ZNF423: variants seen among roughly 807,000 people sequenced by gnomAD.
ZNF423 encodes the protein zinc finger protein 423, also known as Ebf-associated zinc finger protein.
In ZNF423, 12 loss-of-function variants were observed where a neutral mutation model predicts 95.8. The observed-to-expected ratio is 0.13, with a 90% confidence interval of 0.08 to 0.20. The LOEUF is 0.20. Ranked by LOEUF, ZNF423 falls within the 10% of genes least tolerant of loss-of-function variation. The pLI, the probability that ZNF423 is intolerant of heterozygous loss-of-function variation, is 1.00. For synonymous variants in ZNF423, 749 were observed against 711.9 expected (o/e 1.05, Z -0.83); for missense variants, 1,316 against 1,737.1 (o/e 0.76, Z 4.31).
intron 2 of ZNF423, among the ~76,000 whole-genome samples, chr16:49,771,064 C>T (rs765230361): frequency 1.2e-4 from 19 of 152,094 alleles, no homozygotes; most frequent in Non-Finnish European, 2.5e-4. Flanking sequence ...GGTCAGGCCC[C>T]GGGAAGTGGG....
At chr16:49,803,361 T>C (rs2034610121) in intron 1 of ZNF423, among the ~76,000 whole-genome samples, 1 of 152,178 alleles carries the variant, frequency 6.6e-6, no homozygotes, top group Admixed American at 6.5e-5. Flanking sequence ...TGTTGCTGGA[T>C]AGCCAGGCTA....
intron 3 of ZNF423, among the ~76,000 whole-genome samples, chr16:49,672,898 C>T (rs772391079): frequency 3.9e-5 from 6 of 152,106 alleles, no homozygotes; most frequent in Non-Finnish European, 5.9e-5. Context: ...GTAAATGTAC[C>T]GAGTGTCCAC....
At chr16:49,839,701 C>T (rs2035163063) in intron 1 of ZNF423, among the ~76,000 whole-genome samples, 1 of 152,344 alleles carries the variant, frequency 6.6e-6, no homozygotes, top group Middle Eastern at 3.4e-3. Context: ...CCGGGCCCCA[C>T]CCAGCCTGCT....
intron 3 of ZNF423, chr16:49,640,905 C>G (rs911974981): frequency 6.6e-6 from 1 of 152,394 alleles, no homozygotes; most frequent in Admixed American, 6.5e-5. Context: ...GCGCCCCAGC[C>G]CCTGCCTGCC....
intron 7 of ZNF423, among the ~76,000 whole-genome samples, chr16:49,521,435 G>C (rs1370100510): frequency 6.6e-6 from 1 of 152,208 alleles, no homozygotes; most frequent in Non-Finnish European, 1.5e-5. Context: ...CGGCTGCATG[G>C]ACTGCACTTG....
chr16:49,769,192 C>G (rs533893511), intron 2 of ZNF423, among the ~76,000 whole-genome samples: 1 of 151,964 alleles, frequency 6.6e-6, no homozygotes, highest in Non-Finnish European at 1.5e-5. Flanking sequence ...CCCATCTCTA[C>G]TAAAAATAAA....
intron 5 of ZNF423, among the ~76,000 whole-genome samples, chr16:49,528,511 T>C (rs185197843): frequency 6.6e-6 from 1 of 152,156 alleles, no homozygotes; most frequent in African/African-American, 2.4e-5. Flanking sequence ...CTCCCCCAAG[T>C]GTTTTAAGAG....
intron 5 of ZNF423, among the ~76,000 whole-genome samples, chr16:49,566,175 C>T (rs1970182623): frequency 6.6e-6 from 1 of 152,200 alleles, no homozygotes; most frequent in African/African-American, 2.4e-5. Context: ...GGCTTCTCCA[C>T]CTGCTACAGA....
intron 2 of ZNF423, among the ~76,000 whole-genome samples, chr16:49,783,842 T>C (rs986704046): frequency 9.9e-5 from 15 of 151,778 alleles, no homozygotes; most frequent in Middle Eastern, 3.4e-3. Flanking sequence ...TGATGGCACG[T>C]GCCTGTAGTC....
At chr16:49,633,543 C>G (rs1021437883) in intron 4 of ZNF423, among the ~76,000 whole-genome samples, 2 of 152,218 alleles carry the variant, frequency 1.3e-5, no homozygotes, top group East Asian at 3.9e-4. Flanking sequence ...ACCACTGCCA[C>G]TACCTCTGGC....
At chr16:49,528,157 T>C (rs143918326) in intron 5 of ZNF423, among the ~76,000 whole-genome samples, 1,806 of 152,166 alleles carry the variant, frequency 0.012, 25 homozygotes, top group Non-Finnish European at 0.019. Context: ...ACCACTTGGC[T>C]GTGAATGGCG....
rs1292587882 is a variant in ZNF423, at chr16:49,746,908, AG to A, written c.101-15938del. On this transcript the variant is annotated intron_variant, in intron 2 of 7. Coordinates refer to ENST00000563137, the MANE Select transcript of ZNF423 (RefSeq NM_001379286.1). The stretch of plus-strand genomic sequence containing the variant: ...CAGCAGTTGTGGCACCCCTAGCCGT[AG>A]CATCCTGACCTTTCCCTGACCTCCG... Among the ~76,000 whole-genome samples, 3 of 152,334 alleles carry A rather than the reference AG, an allele frequency of 2.0e-5. No individual in the cohort carries two copies. In the East Asian group the frequency reaches 5.8e-4, roughly 29 times the overall value.
chr16:49,831,386 G>T (rs946991060), intron 1 of ZNF423, among the ~76,000 whole-genome samples: 7 of 152,236 alleles, frequency 4.6e-5, no homozygotes, highest in East Asian at 1.9e-4. Context: ...ATCATATAGG[G>T]TCAGGGTTAA....
intron 5 of ZNF423, among the ~76,000 whole-genome samples, chr16:49,547,031 C>T (rs1969466328): frequency 6.7e-6 from 1 of 149,940 alleles, no homozygotes; most frequent in South Asian, 2.1e-4. Flanking sequence ...AAAAAACAAT[C>T]AGCCAGCTTT....
chr16:49,696,800 G>T (rs1259992752), intron 3 of ZNF423, among the ~76,000 whole-genome samples: 1 of 152,280 alleles, frequency 6.6e-6, no homozygotes, highest in East Asian at 1.9e-4. Flanking sequence ...GTGGCTGCCC[G>T]CCATGCAGGC....
intron 5 of ZNF423, among the ~76,000 whole-genome samples, chr16:49,595,295 G>C (rs9938606): frequency 0.34 from 51,382 of 152,098 alleles, 9,646 homozygotes; most frequent in African/African-American, 0.46. Context: ...CATTGTCCCT[G>C]GACATACTTC....
intron 6 of ZNF423, among the ~76,000 whole-genome samples, chr16:49,524,892 G>A (rs1487347802): frequency 6.6e-6 from 1 of 152,218 alleles, no homozygotes; most frequent in East Asian, 1.9e-4. Context: ...TGGGAACTTG[G>A]CCGGCAGAGC....
chr16:49,507,581 C>T (rs888173309), intron 7 of ZNF423, among the ~76,000 whole-genome samples: 4 of 152,200 alleles, frequency 2.6e-5, no homozygotes, highest in Non-Finnish European at 4.4e-5. Context: ...CAGAGAGCCT[C>T]ACTTGCCTCC....
At position 49,696,226 on chromosome 16, in the gene ZNF423, C is replaced by A. The variant is rs537369504; in HGVS notation, c.301+34545G>T. ...AAAGGTCTTCACGCCTGCTCCCCAG[C>A]CTCACAAAGCAGGTAGAAAAGTCAT... On this transcript the variant is annotated intron_variant, in intron 3 of 7. Transcript: ENST00000563137. Among the ~76,000 whole-genome samples, 3 of 152,322 alleles carry A rather than the reference C, an allele frequency of 2.0e-5. No homozygotes were observed. The South Asian group carries it at 6.2e-4, about 32-fold the overall frequency.
Sources: allele counts gnomAD v4.1 joint callset (sites outside exome capture counted in the v4.1 genomes callset), GRCh38; gene constraint gnomAD v4.1.1; transcripts MANE v1.5; gene names NCBI Gene and HGNC (gene_info 2026-07-23, HGNC 2026-07-21).